Variants in RASA4B observed in about 807,000 individuals in gnomAD.
The protein encoded by RASA4B is RAS p21 protein activator 4B, also known as ras GTPase-activating protein 4B.
RASA4B carries 2 observed loss-of-function variants against 24.2 expected under a neutral mutation model. That is an observed-to-expected ratio of 0.08 (90% CI 0.03 to 0.26). The LOEUF (loss-of-function observed/expected upper bound fraction) is 0.26, where lower values mean the gene tolerates loss of function less well. Among genes scored for constraint, RASA4B ranks in the 10% least tolerant of loss-of-function variants. The pLI is 1.00. For synonymous variants in RASA4B, 2 were observed against 125.6 expected, an observed-to-expected ratio of 0.02 and a Z score of 6.58; for missense variants, 8 against 277.2, an observed-to-expected ratio of 0.03 and a Z score of 6.90.
rs1416185342 is a variant in RASA4B, at chr7:102,491,556, T to C, written c.1831-433A>G. Among the ~76,000 whole-genome samples the C allele has an allele frequency of 6.9e-5, 4 of 57,760 alleles. No individual in the cohort carries two copies. In the Admixed American group the frequency reaches 8.5e-4, roughly 12 times the overall value. 37.9% of individuals were successfully genotyped at this position (57,760 alleles called of 152,430 possible). ...GCCGAGGAAGGCGGATCACCTGAGG[T>C]TGGGAGTTCGAGACCAGCCTGACAA... On this transcript the variant is annotated intron_variant, in intron 16 of 20. Transcript: ENST00000465829.
At chr7:102,498,419 A>C (rs1799243066) in intron 8 of RASA4B, among the ~76,000 whole-genome samples, 1 of 136,884 alleles carries the variant, frequency 7.3e-6, no homozygotes, top group Non-Finnish European at 1.6e-5. Flanking sequence ...CCGCCACCAC[A>C]TCCGGGTAAT....
chr7:102,498,423 G>A (rs1458644428), intron 8 of RASA4B, among the ~76,000 whole-genome samples: 14 of 138,934 alleles, frequency 1.0e-4, no homozygotes, highest in Admixed American at 9.0e-4. Flanking sequence ...CACCACATCC[G>A]GGTAATTTTT....
chr7:102,502,633 G>A (rs1799359959), intron 6 of RASA4B, among the ~76,000 whole-genome samples: 2 of 110,168 alleles, frequency 1.8e-5, no homozygotes, highest in Admixed American at 2.0e-4. Context: ...GGTGGTGTGT[G>A]CCTGTAATCC....
intron 16 of RASA4B, among the ~76,000 whole-genome samples, chr7:102,491,741 T>G (rs1290537579): frequency 8.2e-5 from 5 of 60,890 alleles, no homozygotes; most frequent in African/African-American, 2.2e-4. Flanking sequence ...CACTCTGGCC[T>G]GGGCAACAAA....
intron 5 of RASA4B, among the ~76,000 whole-genome samples, chr7:102,505,784 T>TCACG (rs1244209698): frequency 5.7e-5 from 5 of 87,370 alleles, no homozygotes; most frequent in African/African-American, 1.5e-4. Context: ...AAGACGCTTC[T>TCACG]CACGGACAGA....
chr7:102,500,440 C>T (rs1799324348), intron 8 of RASA4B, among the ~76,000 whole-genome samples: 1 of 139,688 alleles, frequency 7.2e-6, no homozygotes, highest in South Asian at 2.4e-4. Flanking sequence ...CCATTGCACT[C>T]CAGCCTGGGG....
chr7:102,514,219 G>GC (rs147516383), intron 1 of RASA4B, among the ~76,000 whole-genome samples: 1 of 28 alleles, frequency 0.036, no homozygotes. Context: ...AAAATAAAGA[G>GC]CCCCCCCACC....
At chr7:102,512,867 G>T (rs1327943746) in intron 1 of RASA4B, among the ~76,000 whole-genome samples, 9 of 149,916 alleles carry the variant, frequency 6.0e-5, no homozygotes, top group South Asian at 4.2e-4. Context: ...TGAGGGAGGG[G>T]GTGAGAGGGA....
chr7:102,492,570 A>G (rs1798988207), intron 16 of RASA4B, among the ~76,000 whole-genome samples: 1 of 133,876 alleles, frequency 7.5e-6, no homozygotes, highest in Non-Finnish European at 1.7e-5. Context: ...TTGCCTAAAT[A>G]GTACTACCTG....
intron 1 of RASA4B, among the ~76,000 whole-genome samples, chr7:102,514,850 C>T (rs1441116130): frequency 1.7e-5 from 2 of 115,046 alleles, no homozygotes; most frequent in African/African-American, 5.8e-5. Flanking sequence ...CACTGGTCAT[C>T]GTGAGACTTG....
chr7:102,512,952 G>A, intron 1 of RASA4B, among the ~76,000 whole-genome samples: 1 of 151,876 alleles, frequency 6.6e-6, no homozygotes, highest in Non-Finnish European at 1.5e-5. Flanking sequence ...GAAACCTCCT[G>A]TTCCTCCCGC....
At chr7:102,497,845 T>TTTTTTAA in intron 8 of RASA4B, among the ~76,000 whole-genome samples, 1 of 95,902 alleles carries the variant, frequency 1.0e-5, no homozygotes, top group Non-Finnish European at 2.2e-5. Context: ...GCTGGTTCTA[T>TTTTTTAA]GGAAACACCT....
In RASA4B at chr7:102,480,066, C is replaced by G. The variant is rs1229757010; in HGVS notation, c.*3526G>C. 6.6e-6 allele frequency among the ~76,000 whole-genome samples: 1 copy of G among 152,006 alleles called. No individual in the cohort carries two copies. The highest frequency in any genetic ancestry group is 1.5e-5 in the Non-Finnish European group (1 of 68,006). ...ACACCAGGCCATACAGAGATAGGAGCTGAGGGGACAATGAGGAGTGACCAG... is the reference window on the plus strand; with the variant it reads ...ACACCAGGCCATACAGAGATAGGAGGTGAGGGGACAATGAGGAGTGACCAG... On this transcript the variant is annotated 3_prime_UTR_variant, in exon 21 of 21. Coordinates refer to ENST00000465829, the MANE Select transcript of RASA4B (RefSeq NM_001367767.2).
intron 5 of RASA4B, among the ~76,000 whole-genome samples, chr7:102,506,202 A>G (rs1799495549): frequency 6.6e-6 from 1 of 151,920 alleles, no homozygotes; most frequent in African/African-American, 2.4e-5. Flanking sequence ...GAAATCACCC[A>G]AGAAGCATCT....
At position 102,500,813 on chromosome 7, in the gene RASA4B, T is replaced by C. The variant is rs1799341481; in HGVS notation, c.643-20A>G. 1.4e-5 allele frequency: 1 copy of C among 72,524 alleles called. No homozygotes were observed. The highest frequency in any genetic ancestry group is 2.6e-4 in the Admixed American group (1 of 3,904). 4.5% of individuals were successfully genotyped at this position (72,524 alleles called of 1,614,324 possible). On this transcript the variant is annotated intron_variant, in intron 7 of 20. Coordinates refer to ENST00000465829, the MANE Select transcript of RASA4B (RefSeq NM_001367767.2). ...CACCACCTGGGGACATAGTGGCAGT[T>C]TTCCTGGAGCTGGGAGACTTACGTC...
rs1798581047 is a variant in RASA4B, at chr7:102,480,220, T to G, written c.*3372A>C. Reference sequence around the variant, plus strand: ...CACCGTGGTCTAGCTGTAGCGTTAGTGTCAAGGAAAAACACCCGCTACTTA... The same window carrying G: ...CACCGTGGTCTAGCTGTAGCGTTAGGGTCAAGGAAAAACACCCGCTACTTA... On this transcript the variant is annotated 3_prime_UTR_variant, in exon 21 of 21. Transcript: ENST00000465829. Among the ~76,000 whole-genome samples the G allele has an allele frequency of 6.6e-6, 1 of 152,178 alleles. No homozygotes were observed.
rs1357813948 is a variant in RASA4B at position 102,500,421 on chromosome 7, G to A, written c.737+278C>T. ...CGGGAGGCGGAGCCTGCAGTGAGTC[G>A]AGATCACGCCATTGCACTCCAGCCT... On this transcript the variant is annotated intron_variant, in intron 8 of 20. Coordinates refer to ENST00000465829, the MANE Select transcript of RASA4B (RefSeq NM_001367767.2). 3.0e-5 allele frequency among the ~76,000 whole-genome samples: 4 copies of A among 131,342 alleles called. 1 individual carries two copies. The highest frequency in any genetic ancestry group is 5.5e-5 in the African/African-American group (2 of 36,530). The allele number at this position is 131,342 out of a possible 152,430, so 86.2% of individuals were successfully genotyped here. A position where few individuals can be genotyped will look rare whatever the true frequency, so the allele number is the denominator to read the frequency against.
At chr7:102,489,642 A>G (rs79154572) in intron 17 of RASA4B, among the ~76,000 whole-genome samples, 133,453 of 143,040 alleles carry the variant, frequency 0.93, 62,184 homozygotes, top group Middle Eastern at 0.97. Context: ...ACAGGCACCC[A>G]CCACCACACC....
rs1554584911 is a variant in RASA4B at position 102,509,114 on chromosome 7, T to TAAA, written c.298+482_298+484dup. 6.6e-3 allele frequency among the ~76,000 whole-genome samples: 580 copies of TAAA among 88,278 alleles called. 6 individuals are homozygous for TAAA. Among genetic ancestry groups the TAAA allele is most frequent in the South Asian group, 0.023 (54 of 2,366 alleles). The allele number at this position is 88,278 out of a possible 152,430, so 57.9% of individuals were successfully genotyped here. On this transcript the variant is annotated intron_variant, in intron 4 of 20. Transcript: ENST00000465829. ...GAGCCACCGTGCCCGGCCTTTTTTT[T>TAAA]AAAAAAAAACTATATAAAAATTGTA...
Sources: gnomAD v4.1 joint callset for allele counts (sites outside exome capture counted in the v4.1 genomes callset) on GRCh38, gnomAD v4.1.1 for gene constraint, MANE v1.5 for transcripts, NCBI Gene and HGNC (gene_info 2026-07-23, HGNC 2026-07-21) for gene names.